Variants in TAF5 observed in about 807,000 individuals in gnomAD.
The protein encoded by TAF5 is TATA-box binding protein associated factor 5, also known as transcription initiation factor TFIID subunit 5.
Under a neutral mutation model 80.9 loss-of-function variants are expected in TAF5, and 20 were observed. The ratio of observed to expected loss-of-function variants is 0.25; its 90% CI spans 0.17 to 0.36. The LOEUF is 0.36. Ranked by LOEUF, TAF5 falls within the 10% of genes least tolerant of loss-of-function variation. The pLI, the probability that TAF5 is intolerant of heterozygous loss-of-function variation, is 1.00. For missense variants in TAF5, 863 were observed against 1,029.4 expected (o/e 0.84, Z 2.21); for synonymous variants, 388 against 406.4 (o/e 0.95, Z 0.55).
rs1195524545 is a variant in TAF5, at chr10:103,378,662, G to A, written c.1113+112G>A. 21 of 1,287,652 alleles carry A rather than the reference G, an allele frequency of 1.6e-5. No homozygotes were observed. The highest frequency in any genetic ancestry group is 1.3e-4 in the African/African-American group (9 of 66,670). The allele number at this position is 1,287,652 out of a possible 1,614,324, so 79.8% of individuals were successfully genotyped here. ...AGCTAGCTTGGAAACAATTTTTTTC[G>A]TTTGTTTGTTTTGAGACGGAGTTTT... On this transcript the variant is annotated intron_variant, in intron 3 of 10. Transcript: ENST00000369839. The surrounding 1 kb of genome is among the most constrained non-coding windows in gnomAD (Gnocchi z 4.1).
At chr10:103,377,837 A>G (rs1472321577) in intron 2 of TAF5, among the ~76,000 whole-genome samples, 1 of 152,186 alleles carries the variant, frequency 6.6e-6, no homozygotes, top group East Asian at 1.9e-4. Context: ...TTTTCATAAT[A>G]AAACTTTTAA....
intron 8 of TAF5, among the ~76,000 whole-genome samples, chr10:103,385,879 C>G (rs1020884925): frequency 7.8e-6 from 1 of 128,144 alleles, no homozygotes. Context: ...GAGCCGAGAT[C>G]GCACCATTGC....
chr10:103,382,984 G>A (rs914503013), intron 6 of TAF5, among the ~76,000 whole-genome samples: 1 of 152,066 alleles, frequency 6.6e-6, no homozygotes, highest in African/African-American at 2.4e-5. Context: ...TGGCATAGTG[G>A]GCAAAACTGA....
In TAF5 at chr10:103,387,357, T is replaced by G. The variant is rs1201884998; in HGVS notation, c.2007+5T>G. The G allele has an allele frequency of 8.7e-6, 14 of 1,603,134 alleles. No individual in the cohort carries two copies. Among genetic ancestry groups the G allele is most frequent in the African/African-American group, 1.3e-5 (1 of 74,424 alleles). Reference sequence around the variant, plus strand: ...AGGATCTTCACTGGACACAAGGTATTTTACACTCTTACTATTCCAGCATCC... The same window carrying G: ...AGGATCTTCACTGGACACAAGGTATGTTACACTCTTACTATTCCAGCATCC... On this transcript the variant is annotated splice_donor_5th_base_variant and intron_variant, in intron 9 of 10. Coordinates refer to ENST00000369839, the MANE Select transcript of TAF5 (RefSeq NM_006951.5).
chr10:103,383,410 T>C, intron 7 of TAF5, 43 bp downstream of exon 7: 1 of 1,521,926 alleles, frequency 6.6e-7, no homozygotes, highest in Non-Finnish European at 8.8e-7. Context: ...TATGTTATAT[T>C]GAAATTATAT....
chr10:103,375,724 G>A (rs1485547885), intron 2 of TAF5, among the ~76,000 whole-genome samples: 1 of 152,000 alleles, frequency 6.6e-6, no homozygotes, highest in Non-Finnish European at 1.5e-5. Context: ...AGAAAACCAG[G>A]GGAGGGCTGA....
chr10:103,373,634 G>A (rs373874711), intron 2 of TAF5, 39 bp downstream of exon 2: 29 of 1,400,858 alleles, frequency 2.1e-5, no homozygotes, highest in Middle Eastern at 1.8e-4. Flanking sequence ...ACACACATAC[G>A]TAGTGTGTGT....
chr10:103,375,119 C>CA (rs914374305), intron 2 of TAF5, among the ~76,000 whole-genome samples: 37,077 of 80,352 alleles, frequency 0.46, 7,632 homozygotes, highest in South Asian at 0.61. Context: ...GACCCTGTCT[C>CA]AAAAAAAAAA....
chr10:103,368,957 A>G (rs1398695128), intron 1 of TAF5, among the ~76,000 whole-genome samples: 1 of 151,740 alleles, frequency 6.6e-6, no homozygotes, highest in Non-Finnish European at 1.5e-5. Flanking sequence ...TCCTCTTAAA[A>G]GATGTGTTGA....
chr10:103,378,607 C>G lies in TAF5; in HGVS notation c.1113+57C>G. On this transcript the variant is annotated intron_variant, in intron 3 of 10. Coordinates refer to ENST00000369839, the MANE Select transcript of TAF5 (RefSeq NM_006951.5). This position sits in a 1 kb window ranked among gnomAD's most constrained non-coding sequence, Gnocchi z 4.1. ...CAGATTATGAAAAATTGTAGCATTT[C>G]CATCTACATAAGTTACACATTTTTC... 6.7e-7 allele frequency: 1 copy of G among 1,499,198 alleles called. No homozygotes were observed. Among genetic ancestry groups the G allele is most frequent in the East Asian group, 2.3e-5 (1 of 43,448 alleles). 92.9% of individuals were successfully genotyped at this position (1,499,198 alleles called of 1,614,324 possible). A position where few individuals can be genotyped will look rare whatever the true frequency, so the allele number is the denominator to read the frequency against.
chr10:103,368,129 G>A lies in TAF5; in HGVS notation c.140G>A (p.Gly47Asp). The change falls in exon 1 of 11, where the codon GGC (glycine) becomes GAC (aspartate). Residue 47 changes from glycine to aspartate, a missense_variant. Gly to Asp is a moderately conservative substitution (Grantham distance 94). Around this residue, in one of 3 missense-constraint regions of TAF5, gnomAD observed 367 missense variants for 335.5 expected, o/e 1.09. Transcript: ENST00000369839. ...ACTACCAACAACGGCCCCAACGGCG[G>A]CGGCGGGAACGTTGCGGCGTCGTCG... ...GGTTNNGPNG[G>D]GGNVAASSST... The A allele has an allele frequency of 1.4e-6, 2 of 1,400,128 alleles. No homozygotes were observed. Among genetic ancestry groups the A allele is most frequent in the Non-Finnish European group, 9.3e-7 (1 of 1,077,232 alleles). 86.7% of individuals were successfully genotyped at this position (1,400,128 alleles called of 1,614,324 possible). A position where few individuals can be genotyped will look rare whatever the true frequency, so the allele number is the denominator to read the frequency against.
At position 103,389,024 on chromosome 10, in the gene TAF5, A is replaced by T. The variant is rs770831191; in HGVS notation, c.*801A>T. 2 of 152,602 alleles carry T rather than the reference A, an allele frequency of 1.3e-5. No individual in the cohort carries two copies. The highest frequency in any genetic ancestry group is 4.8e-5 in the African/African-American group (2 of 41,428). 9.5% of individuals were successfully genotyped at this position (152,602 alleles called of 1,614,324 possible). ...ATTTTGTACAGTTTTTATATTTTTG[A>T]TATCTTGTAAATAAAGACAACCAGC... On this transcript the variant is annotated 3_prime_UTR_variant, in exon 11 of 11. Coordinates refer to ENST00000369839, the MANE Select transcript of TAF5 (RefSeq NM_006951.5).
Position 103,384,406 on chromosome 10 carries a change from G to A in TAF5, c.1665-920G>A, listed in dbSNP as rs138184108. Among the ~76,000 whole-genome samples, 422 of 152,244 alleles carry A rather than the reference G, an allele frequency of 2.8e-3. 4 individuals carry two copies. Among genetic ancestry groups the A allele is most frequent in the African/African-American group, 9.7e-3 (402 of 41,548 alleles). On this transcript the variant is annotated intron_variant, in intron 7 of 10. Transcript: ENST00000369839. ...AGCACTTTGGGAGTCCAAGACAGGC[G>A]CATCACCTGAGATCAGGAGTTTGAG...
At chr10:103,386,520 T>C (rs2093396691) in intron 8 of TAF5, among the ~76,000 whole-genome samples, 1 of 152,056 alleles carries the variant, frequency 6.6e-6, no homozygotes, top group Non-Finnish European at 1.5e-5. Context: ...AGGAAGAATA[T>C]ACAGAGAATT....
In TAF5 at chr10:103,368,331, G is replaced by C; in HGVS notation, c.342G>C (p.Glu114Asp). 1 of 1,581,594 alleles carries C rather than the reference G, an allele frequency of 6.3e-7. No individual in the cohort carries two copies. Among genetic ancestry groups the C allele is most frequent in the Non-Finnish European group, 8.5e-7 (1 of 1,172,766 alleles). The change falls in exon 1 of 11, where the codon GAG (glutamate) becomes GAC (aspartate). Residue 114 changes from glutamate (E) to aspartate (D), a missense_variant. Glu to Asp is a conservative substitution (Grantham distance 45). Around this residue, in one of 3 missense-constraint regions of TAF5, gnomAD observed 367 missense variants for 335.5 expected, o/e 1.09. Transcript: ENST00000369839. ...LRQSKLREAE[E>D]ALRREAGLLE... Reference sequence around the variant, plus strand: ...AGAGCAAACTCCGCGAGGCCGAAGAGGCGCTGCGCCGTGAGGCCGGGCTGC... The same window carrying C: ...AGAGCAAACTCCGCGAGGCCGAAGACGCGCTGCGCCGTGAGGCCGGGCTGC...
At chr10:103,387,059 G>C in intron 8 of TAF5, 116 bp from the exon 9 acceptor site, 1 of 924,294 alleles carries the variant, frequency 1.1e-6, no homozygotes, top group Non-Finnish European at 1.6e-6. Flanking sequence ...TAAGTGGGGG[G>C]CCCACTCAGA....
Position 103,378,481 on chromosome 10 carries a change from T to C in TAF5, c.1044T>C (p.Ser348=). The C allele has an allele frequency of 6.2e-7, 1 of 1,614,162 alleles. No homozygotes were observed. The highest frequency in any genetic ancestry group is 8.5e-7 in the Non-Finnish European group (1 of 1,180,040). ...YIDIFDGMPR[S]KQQIDAMVGS... ...ACATCTTTGATGGGATGCCGCGTAG[T>C]AAGCAACAGATAGATGCGATGGTGG... The change falls in exon 3 of 11, where the codon AGT becomes AGC. Residue 348 remains serine, a synonymous_variant. Transcript: ENST00000369839. The surrounding 1 kb of genome is among the most constrained non-coding windows in gnomAD (Gnocchi z 4.1).
intron 2 of TAF5, among the ~76,000 whole-genome samples, chr10:103,377,653 T>C (rs2093372887): frequency 6.6e-6 from 1 of 152,214 alleles, no homozygotes; most frequent in Admixed American, 6.5e-5. Context: ...ACTTTGTTGT[T>C]TAGTGATCAT....
At position 103,378,951 on chromosome 10, in the gene TAF5, C is replaced by T. The variant is rs911779429; in HGVS notation, c.1113+401C>T. 3.9e-5 allele frequency among the ~76,000 whole-genome samples: 6 copies of T among 152,240 alleles called. No homozygotes were observed. The highest frequency in any genetic ancestry group is 2.1e-4 in the South Asian group (1 of 4,830). On this transcript the variant is annotated intron_variant, in intron 3 of 10. Transcript: ENST00000369839. This position sits in a 1 kb window ranked among gnomAD's most constrained non-coding sequence, Gnocchi z 4.1. ...CTGGCATAACAGGCGTGAGCTACTG[C>T]GCCTGGCCGCTTGGAAACAATTTTA... is the stretch of plus-strand genomic sequence containing the variant.
Sources: gnomAD v4.1 joint callset for allele counts (sites outside exome capture counted in the v4.1 genomes callset) on GRCh38, gnomAD v4.1.1 for gene constraint, gnomAD v4.1.1 regional missense constraint, Gnocchi (gnomAD v3.1) non-coding constraint, MANE v1.5 for transcripts, NCBI Gene and HGNC (gene_info 2026-07-23, HGNC 2026-07-21) for gene names.